Variants in NRXN3 observed in about 807,000 individuals in gnomAD.
The protein encoded by NRXN3 is neurexin III.
In NRXN3, 32 loss-of-function variants were observed where a neutral mutation model predicts 137.6. The ratio of observed to expected loss-of-function variants is 0.23; its 90% CI spans 0.18 to 0.31. NRXN3 has a LOEUF of 0.31. Among genes scored for constraint, NRXN3 ranks in the 10% least tolerant of loss-of-function variants. The pLI is 1.00. For synonymous variants in NRXN3, 798 were observed against 784.5 expected (o/e 1.02, Z -0.29); for missense variants, 1,574 against 2,062.5 (o/e 0.76, Z 4.59).
At chr14:79,372,830 A>G (rs1382465758) in intron 15 of NRXN3, among the ~76,000 whole-genome samples, 1 of 152,156 alleles carries the variant, frequency 6.6e-6, no homozygotes, top group Non-Finnish European at 1.5e-5. Context: ...TTCAAAGCAT[A>G]CACTGCTTTT....
chr14:78,681,560 A>G (rs765917765), intron 6 of NRXN3, among the ~76,000 whole-genome samples: 10 of 152,174 alleles, frequency 6.6e-5, no homozygotes, highest in African/African-American at 2.4e-5. Context: ...AGGAGGAAAC[A>G]TAAGTATTTT....
At chr14:79,782,497 G>A (rs2099116935) in intron 19 of NRXN3, among the ~76,000 whole-genome samples, 1 of 152,196 alleles carries the variant, frequency 6.6e-6, no homozygotes, top group Admixed American at 6.5e-5. Flanking sequence ...AATATTCTTA[G>A]ATCAATTTCA....
At chr14:78,335,905 C>A (rs1414354055) in intron 4 of NRXN3, among the ~76,000 whole-genome samples, 1 of 152,162 alleles carries the variant, frequency 6.6e-6, no homozygotes, top group African/African-American at 2.4e-5. Flanking sequence ...CTAAGGTAAC[C>A]AGAACCCTAA....
intron 11 of NRXN3, among the ~76,000 whole-genome samples, chr14:78,958,411 A>G (rs191846393): frequency 0.016 from 2,338 of 148,526 alleles, 65 homozygotes; most frequent in African/African-American, 0.055. Flanking sequence ...GCTGGAGTGC[A>G]GTGGCGCGAT....
chr14:78,996,028 T>C lies in NRXN3; in HGVS notation c.3262+7887T>C, dbSNP rs562627871. Among the ~76,000 whole-genome samples the C allele has an allele frequency of 3.1e-4, 47 of 152,280 alleles. No individual in the cohort carries two copies. The South Asian group carries it at 4.4e-3, about 14-fold the overall frequency. On this transcript the variant is annotated intron_variant, in intron 15 of 20. Coordinates refer to ENST00000335750, the MANE Select transcript of NRXN3 (RefSeq NM_001330195.2). ...GTGCCAGTCACAGGTTCTTCTCCCA[T>C]AGAGCTAAATGTTTCTCGGGTGGGC... is the stretch of plus-strand genomic sequence containing the variant.
intron 8 of NRXN3, among the ~76,000 whole-genome samples, chr14:78,738,413 G>A (rs1001841145): frequency 2.0e-5 from 3 of 152,240 alleles, no homozygotes; most frequent in East Asian, 3.9e-4. Context: ...CTAGGTGGGG[G>A]AATGTCAGCT....
intron 1 of NRXN3, among the ~76,000 whole-genome samples, chr14:78,201,761 C>T (rs2061698279): frequency 6.6e-6 from 1 of 152,178 alleles, no homozygotes; most frequent in Admixed American, 6.5e-5. Flanking sequence ...GAAATCTCAC[C>T]ACCACGGGCT....
intron 15 of NRXN3, among the ~76,000 whole-genome samples, chr14:79,206,797 T>C (rs1363085139): frequency 6.6e-6 from 1 of 152,160 alleles, no homozygotes; most frequent in African/African-American, 2.4e-5. Flanking sequence ...TAGGCACACA[T>C]ACCAATATTA....
chr14:79,448,847 G>T (rs1313715691), intron 15 of NRXN3, among the ~76,000 whole-genome samples: 1 of 152,296 alleles, frequency 6.6e-6, no homozygotes, highest in Non-Finnish European at 1.5e-5. Flanking sequence ...TTGGGGACCC[G>T]TGTCCAAGCC....
intron 15 of NRXN3, among the ~76,000 whole-genome samples, chr14:79,462,026 A>G (rs1354967028): frequency 6.6e-6 from 1 of 152,134 alleles, no homozygotes; most frequent in Non-Finnish European, 1.5e-5. Context: ...TACTTAATTT[A>G]TTGTTCTACT....
At chr14:79,302,963 C>T (rs1863542077) in intron 15 of NRXN3, among the ~76,000 whole-genome samples, 1 of 151,940 alleles carries the variant, frequency 6.6e-6, no homozygotes, top group Admixed American at 6.6e-5. Flanking sequence ...CCTCCAAGCC[C>T]CACCTCCAAT....
At chr14:78,445,413 C>G (rs1441301598) in intron 4 of NRXN3, among the ~76,000 whole-genome samples, 2 of 152,144 alleles carry the variant, frequency 1.3e-5, no homozygotes, top group Non-Finnish European at 2.9e-5. Flanking sequence ...GTTAGTGCAG[C>G]CAGAGGGCCT....
intron 15 of NRXN3, among the ~76,000 whole-genome samples, chr14:79,299,414 G>A (rs1193983314): frequency 6.6e-6 from 1 of 152,028 alleles, no homozygotes; most frequent in Non-Finnish European, 1.5e-5. Flanking sequence ...AAGCAATATA[G>A]TCTCTGCCTC....
intron 10 of NRXN3, among the ~76,000 whole-genome samples, chr14:78,853,997 T>C (rs2099050013): frequency 6.6e-6 from 1 of 152,220 alleles, no homozygotes; most frequent in Admixed American, 6.5e-5. Flanking sequence ...AGGTATTTGC[T>C]CAGCCGTAGA....
intron 19 of NRXN3, among the ~76,000 whole-genome samples, chr14:79,735,935 C>T (rs556922654): frequency 6.0e-4 from 92 of 152,310 alleles, no homozygotes; most frequent in African/African-American, 2.0e-3. Context: ...TGGTAATTCA[C>T]ATATTGTATT....
At chr14:79,253,515 G>A (rs1034349454) in intron 15 of NRXN3, among the ~76,000 whole-genome samples, 2 of 152,180 alleles carry the variant, frequency 1.3e-5, no homozygotes, top group Non-Finnish European at 2.9e-5. Context: ...AAGTGTATTA[G>A]TTTCTTCTTA....
At chr14:79,228,388 C>T (rs2071467679) in intron 15 of NRXN3, among the ~76,000 whole-genome samples, 1 of 151,976 alleles carries the variant, frequency 6.6e-6, no homozygotes, top group Non-Finnish European at 1.5e-5. Flanking sequence ...ATTTGAGGAA[C>T]TCTGTTAAAT....
At chr14:79,081,756 T>A (rs1275770109) in intron 15 of NRXN3, among the ~76,000 whole-genome samples, 1 of 151,930 alleles carries the variant, frequency 6.6e-6, no homozygotes, top group Non-Finnish European at 1.5e-5. Flanking sequence ...AGACAAAAAA[T>A]TAGAAAGAAG....
chr14:78,358,196 G>C (rs753710515), intron 4 of NRXN3, among the ~76,000 whole-genome samples: 26 of 152,144 alleles, frequency 1.7e-4, no homozygotes, highest in Non-Finnish European at 3.7e-4. Flanking sequence ...GTGCTGTAGG[G>C]GTGGTGGTAA....
Sources: gnomAD v4.1 joint callset for allele counts (sites outside exome capture counted in the v4.1 genomes callset) on GRCh38, gnomAD v4.1.1 for gene constraint, MANE v1.5 for transcripts, NCBI Gene and HGNC (gene_info 2026-07-23, HGNC 2026-07-21) for gene names.